CLEC16A: variants seen among roughly 807,000 people sequenced by gnomAD.
CLEC16A encodes the protein C-type lectin domain containing 16A.
A neutral mutation model predicts 109.5 loss-of-function variants in CLEC16A; 51 were observed. The observed-to-expected ratio is 0.47, with a 90% CI of 0.37 to 0.59. CLEC16A has a LOEUF of 0.59. Among genes scored for constraint, CLEC16A ranks in the 20% least tolerant of loss-of-function variants. The pLI is 0.00. For missense variants in CLEC16A, 1,339 were observed against 1,394.0 expected (o/e 0.96, Z 0.63); for synonymous variants, 673 against 564.2 (o/e 1.19, Z -2.73).
intron 4 of CLEC16A, 100 bp from the exon 5 acceptor site, chr16:10,971,025 T>G (rs982315076): frequency 4.3e-4 from 233 of 548,222 alleles, no homozygotes; most frequent in African/African-American, 3.3e-3. Context: ...TTTTTTTTTT[T>G]GTCTTTTTCT....
intron 10 of CLEC16A, among the ~76,000 whole-genome samples, chr16:10,992,862 G>C (rs1189596715): frequency 6.6e-6 from 1 of 152,210 alleles, no homozygotes; most frequent in East Asian, 1.9e-4. Flanking sequence ...AAGCAACTTT[G>C]GGAGGTATGA....
At chr16:11,172,889 A>AAAAC (rs561337273) in intron 23 of CLEC16A, among the ~76,000 whole-genome samples, 2 of 152,282 alleles carry the variant, frequency 1.3e-5, no homozygotes, top group East Asian at 1.9e-4. Flanking sequence ...ACTCTGTCTC[A>AAAAC]AAACAAACAA....
intron 18 of CLEC16A, among the ~76,000 whole-genome samples, chr16:11,053,653 G>A (rs2048063317): frequency 6.6e-6 from 1 of 152,192 alleles, no homozygotes; most frequent in Non-Finnish European, 1.5e-5. Context: ...TTACAGATGT[G>A]AACCACCACG....
chr16:11,119,032 T>C (rs1340672099), intron 19 of CLEC16A, among the ~76,000 whole-genome samples: 1 of 152,206 alleles, frequency 6.6e-6, no homozygotes, highest in Non-Finnish European at 1.5e-5. Flanking sequence ...GACAAGGTCT[T>C]ATTCTGTCAC....
chr16:11,106,010 A>T (rs965356951), intron 19 of CLEC16A, among the ~76,000 whole-genome samples: 1 of 152,200 alleles, frequency 6.6e-6, no homozygotes, highest in African/African-American at 2.4e-5. Flanking sequence ...CTTGGGAACA[A>T]AATGGATCTT....
chr16:11,099,462 A>T (rs2050785276), intron 19 of CLEC16A, among the ~76,000 whole-genome samples: 1 of 152,286 alleles, frequency 6.6e-6, no homozygotes, highest in Admixed American at 6.5e-5. Context: ...AATTGTATTT[A>T]ATTTTAATTG....
chr16:11,112,155 T>C (rs1318477357), intron 19 of CLEC16A, among the ~76,000 whole-genome samples: 1 of 152,170 alleles, frequency 6.6e-6, no homozygotes, highest in Non-Finnish European at 1.5e-5. Context: ...CATGCCACCA[T>C]TTAAGAAAGG....
At chr16:10,947,393 G>A (rs1275527446) in intron 1 of CLEC16A, among the ~76,000 whole-genome samples, 4 of 152,236 alleles carry the variant, frequency 2.6e-5, no homozygotes, top group African/African-American at 9.6e-5. Context: ...TGACTGTACA[G>A]TGTGATAAGT....
At position 11,093,999 on chromosome 16, in the gene CLEC16A, C is replaced by T. The variant is rs79830110; in HGVS notation, c.2117-26616C>T. ...CTAGCCTGTTGGGGTGGAGGGGTGA[C>T]GAGGGTCTTTGGACGACAGGCAGGT... is the stretch of plus-strand genomic sequence containing the variant. On this transcript the variant is annotated intron_variant, in intron 19 of 23. Coordinates refer to ENST00000409790, the MANE Select transcript of CLEC16A (RefSeq NM_015226.3). Among the ~76,000 whole-genome samples the T allele has an allele frequency of 1.7e-4, 26 of 152,238 alleles. No homozygotes were observed. The East Asian group carries it at 4.1e-3, about 24-fold the overall frequency.
At chr16:10,979,809 A>G (rs572691204) in intron 9 of CLEC16A, among the ~76,000 whole-genome samples, 1 of 152,248 alleles carries the variant, frequency 6.6e-6, no homozygotes, top group South Asian at 2.1e-4. Flanking sequence ...AAATGAGTCT[A>G]TTGTTAAAGG....
intron 10 of CLEC16A, among the ~76,000 whole-genome samples, chr16:10,997,299 A>G (rs148125365): frequency 2.0e-5 from 3 of 152,374 alleles, no homozygotes; most frequent in South Asian, 4.1e-4. Flanking sequence ...CATAAATACA[A>G]TAAAGTACAT....
In CLEC16A at chr16:11,051,537, C is replaced by T; in HGVS notation, c.1891C>T (p.Leu631Phe). 6.2e-7 allele frequency: 1 copy of T among 1,614,004 alleles called. No homozygotes were observed. The highest frequency in any genetic ancestry group is 8.5e-7 in the Non-Finnish European group (1 of 1,179,846). ...GATGAAGCCCATGAACGTGGAATAT[C>T]TCATGATGGACGCCTCCATCCTGCT... ...MTMKPMNVEY[L>F]MMDASILLPP... Residue 631 changes from leucine to phenylalanine, a missense_variant, in exon 18 of 24, where the codon CTC (leucine) becomes TTC (phenylalanine). Leu to Phe is a conservative substitution (Grantham distance 22). Transcript: ENST00000409790.
chr16:11,083,143 T>G (rs572581005), intron 19 of CLEC16A, among the ~76,000 whole-genome samples: 2 of 128,210 alleles, frequency 1.6e-5, no homozygotes, highest in Admixed American at 1.5e-4. Flanking sequence ...TTTGTTGTTG[T>G]TGTTGTTGTT....
chr16:10,992,439 T>G (rs758969374), intron 10 of CLEC16A, among the ~76,000 whole-genome samples: 3 of 151,910 alleles, frequency 2.0e-5, no homozygotes, highest in Non-Finnish European at 4.4e-5. Flanking sequence ...AGGCGATGGA[T>G]ATGCTAAGTA....
intron 13 of CLEC16A, among the ~76,000 whole-genome samples, chr16:11,033,309 G>A (rs1025625161): frequency 4.6e-5 from 7 of 152,208 alleles, no homozygotes; most frequent in African/African-American, 1.7e-4. Context: ...GGGCATGAAG[G>A]GAGGAGCCTG....
At chr16:10,969,079 C>T (rs17229044) in intron 3 of CLEC16A, 82 bp from the exon 4 acceptor site, 229,635 of 1,165,922 alleles carry the variant, frequency 0.2, 24,223 homozygotes, top group Non-Finnish European at 0.21. Context: ...GATTCAAGTA[C>T]ATTAACGTGG....
Position 11,178,213 on chromosome 16 carries a change from C to T in CLEC16A, c.2807-122C>T, listed in dbSNP as rs1323238156. On this transcript the variant is annotated intron_variant, in intron 23 of 23. Transcript: ENST00000409790. The surrounding 1 kb of genome is among the most constrained non-coding windows in gnomAD (Gnocchi z 6.5). ...TGAGTGGAGCCACGCTGAGCCCTCA[C>T]GCCAGCCAGCCACCTCCCACCTAGC... 15 of 824,430 alleles carry T rather than the reference C, an allele frequency of 1.8e-5. No individual in the cohort carries two copies. Among genetic ancestry groups the T allele is most frequent in the East Asian group, 7.5e-5 (3 of 39,920 alleles). The allele number at this position is 824,430 out of a possible 1,614,324, so 51.1% of individuals were successfully genotyped here.
chr16:11,156,194 C>T (rs2054509923), intron 22 of CLEC16A, among the ~76,000 whole-genome samples: 1 of 152,014 alleles, frequency 6.6e-6, no homozygotes, highest in African/African-American at 2.4e-5. Context: ...AAACCCATCT[C>T]TACTAAAAAT....
intron 22 of CLEC16A, among the ~76,000 whole-genome samples, chr16:11,147,746 A>T (rs1329932155): frequency 2.0e-5 from 3 of 152,272 alleles, no homozygotes; most frequent in African/African-American, 7.2e-5. Flanking sequence ...GACTGTCACA[A>T]AGCTGTCATC....
Sources: gnomAD v4.1 joint callset for allele counts (sites outside exome capture counted in the v4.1 genomes callset) on GRCh38, gnomAD v4.1.1 for gene constraint, Gnocchi (gnomAD v3.1) non-coding constraint, MANE v1.5 for transcripts, NCBI Gene and HGNC (gene_info 2026-07-23, HGNC 2026-07-21) for gene names.